The following CSMD1 variants were observed in gnomAD, a reference collection of about 807,000 sequenced individuals.
The protein encoded by CSMD1 is CUB and sushi domain-containing protein 1.
A neutral mutation model predicts 417.5 loss-of-function variants in CSMD1; 213 were observed. That is an observed-to-expected ratio of 0.51 (90% CI 0.46 to 0.57). The LOEUF (loss-of-function observed/expected upper bound fraction) is 0.57. Ranked by LOEUF, CSMD1 falls within the 20% of genes least tolerant of loss-of-function variation. The probability of loss-of-function intolerance (pLI) is 0.00; values close to 1 mark genes in which losing one functional copy is unlikely to be tolerated. For synonymous variants in CSMD1, 2,862 were observed against 1,736.8 expected, an observed-to-expected ratio of 1.65 and a Z score of -16.11; for missense variants, 6,923 against 4,529.7, an observed-to-expected ratio of 1.53 and a Z score of -15.17.
intron 3 of CSMD1, among the ~76,000 whole-genome samples, chr8:4,192,763 T>C (rs1799104439): frequency 6.6e-6 from 1 of 152,232 alleles, no homozygotes; most frequent in Non-Finnish European, 1.5e-5. Flanking sequence ...ATCATTTCCA[T>C]TTTCAAGAAT....
At chr8:4,677,444 T>A (rs1304860879) in intron 1 of CSMD1, among the ~76,000 whole-genome samples, 1 of 152,100 alleles carries the variant, frequency 6.6e-6, no homozygotes, top group Non-Finnish European at 1.5e-5. Flanking sequence ...CTCTCCAACC[T>A]TGTTTCAACA....
At chr8:3,439,307 ATATTT>A (rs1203418210) in intron 12 of CSMD1, among the ~76,000 whole-genome samples, 5 of 43,806 alleles carry the variant, frequency 1.1e-4, no homozygotes, top group Non-Finnish European at 1.9e-4. Context: ...ATATATATAT[ATATTT>A]TTTTTTTTAA....
At chr8:3,114,689 G>C (rs1816747799) in intron 42 of CSMD1, among the ~76,000 whole-genome samples, 1 of 152,004 alleles carries the variant, frequency 6.6e-6, no homozygotes, top group Non-Finnish European at 1.5e-5. Context: ...AGAAAAATAA[G>C]GAGACAGAGT....
chr8:4,766,332 G>T (rs1479250517), intron 1 of CSMD1, among the ~76,000 whole-genome samples: 2 of 152,130 alleles, frequency 1.3e-5, no homozygotes, highest in East Asian at 1.9e-4. Context: ...CATGATGTGG[G>T]GGCCTGGTGT....
intron 5 of CSMD1, among the ~76,000 whole-genome samples, chr8:3,920,362 T>TGTGC (rs1554486682): frequency 2.0e-5 from 3 of 151,866 alleles, no homozygotes; most frequent in African/African-American, 7.3e-5. Context: ...TGTGTGTTTG[T>TGTGC]GTGTGTGTGT....
chr8:4,787,567 T>C (rs994584771), intron 1 of CSMD1: 18 of 1,480,674 alleles, frequency 1.2e-5, no homozygotes, highest in Middle Eastern at 2.0e-4. Context: ...GGGAGACAGC[T>C]TTCATTGCAC....
intron 5 of CSMD1, among the ~76,000 whole-genome samples, chr8:3,764,047 G>C (rs553336943): frequency 6.6e-6 from 1 of 152,230 alleles, no homozygotes; most frequent in Admixed American, 6.5e-5. Flanking sequence ...CCTTGTTTCA[G>C]GATTTCTGGA....
chr8:4,734,459 A>G (rs575972715), intron 1 of CSMD1, among the ~76,000 whole-genome samples: 6 of 152,154 alleles, frequency 3.9e-5, no homozygotes, highest in Non-Finnish European at 8.8e-5. Context: ...TTCTGTGACT[A>G]ATAACTTTTC....
intron 3 of CSMD1, among the ~76,000 whole-genome samples, chr8:4,413,666 C>T (rs535630144): frequency 2.4e-4 from 36 of 152,090 alleles, no homozygotes; most frequent in Non-Finnish European, 3.8e-4. Context: ...TGGTGTACCG[C>T]GGATCCCAAG....
chr8:4,284,550 C>G (rs573585274), intron 3 of CSMD1, among the ~76,000 whole-genome samples: 2 of 152,256 alleles, frequency 1.3e-5, no homozygotes, highest in South Asian at 2.1e-4. Flanking sequence ...CTTGCATATG[C>G]CAGCCCCAAC....
chr8:4,375,958 G>A (rs1802705577), intron 3 of CSMD1, among the ~76,000 whole-genome samples: 1 of 152,134 alleles, frequency 6.6e-6, no homozygotes. Flanking sequence ...GCAACCTCCA[G>A]GCCTTGCCAA....
At chr8:4,620,081 C>T (rs1801685348) in intron 2 of CSMD1, among the ~76,000 whole-genome samples, 1 of 151,788 alleles carries the variant, frequency 6.6e-6, no homozygotes, top group Non-Finnish European at 1.5e-5. Context: ...ATAAATACTG[C>T]TATAATACTC....
chr8:3,180,938 C>G (rs916582057), intron 37 of CSMD1, among the ~76,000 whole-genome samples, 172 bp downstream of exon 37: 1 of 152,192 alleles, frequency 6.6e-6, no homozygotes, highest in African/African-American at 2.4e-5. Context: ...GTCACCGCAA[C>G]TGGCTTATGT....
intron 7 of CSMD1, among the ~76,000 whole-genome samples, chr8:3,637,330 A>C (rs190842371): frequency 6.6e-6 from 1 of 152,122 alleles, no homozygotes; most frequent in African/African-American, 2.4e-5. Flanking sequence ...AAGATCCTTT[A>C]TCTGTAGAAT....
intron 3 of CSMD1, among the ~76,000 whole-genome samples, chr8:4,040,133 G>C (rs964034816): frequency 3.9e-5 from 6 of 152,180 alleles, no homozygotes; most frequent in African/African-American, 9.7e-5. Context: ...TATTTTTAAA[G>C]GGTATGAGAG....
intron 5 of CSMD1, among the ~76,000 whole-genome samples, chr8:3,996,094 A>G (rs1815192036): frequency 6.6e-6 from 1 of 152,124 alleles, no homozygotes; most frequent in African/African-American, 2.4e-5. Context: ...CACACTCATG[A>G]TCTGTATTTT....
intron 8 of CSMD1, among the ~76,000 whole-genome samples, chr8:3,591,734 A>T (rs1800855241): frequency 6.6e-6 from 1 of 151,792 alleles, no homozygotes; most frequent in Non-Finnish European, 1.5e-5. Context: ...TAGATGACAG[A>T]TACACAGATA....
intron 7 of CSMD1, among the ~76,000 whole-genome samples, chr8:3,669,826 G>A (rs1321682027): frequency 6.6e-6 from 1 of 152,130 alleles, no homozygotes; most frequent in East Asian, 1.9e-4. Flanking sequence ...TCAGAGAACA[G>A]GACACAGTGG....
chr8:3,575,723 T>TAA (rs68137238), intron 9 of CSMD1, among the ~76,000 whole-genome samples: 1,870 of 151,760 alleles, frequency 0.012, 17 homozygotes, highest in Non-Finnish European at 0.021. Context: ...ACTTTAAAAA[T>TAA]AAAAAAAATC....
Sources: gnomAD v4.1 joint callset for allele counts (sites outside exome capture counted in the v4.1 genomes callset) on GRCh38, gnomAD v4.1.1 for gene constraint, MANE v1.5 for transcripts, NCBI Gene and HGNC (gene_info 2026-07-23, HGNC 2026-07-21) for gene names.